RARB: variants seen among roughly 807,000 people sequenced by gnomAD.
The protein encoded by RARB is retinoic acid receptor beta.
In RARB, 17 loss-of-function variants were observed where a neutral mutation model predicts 51.9. The observed-to-expected ratio is 0.33, with a 90% CI of 0.22 to 0.49. RARB has a LOEUF of 0.49. Ranked by LOEUF, RARB falls within the 20% of genes least tolerant of loss-of-function variation. The pLI, the probability that RARB is intolerant of heterozygous loss-of-function variation, is 0.99. For synonymous variants in RARB, 215 were observed against 195.4 expected (o/e 1.10, Z -0.84); for missense variants, 369 against 550.8 (o/e 0.67, Z 3.30).
chr3:25,424,138 G>C (rs150910842), upstream of RARB, among the ~76,000 whole-genome samples: 1 of 152,124 alleles, frequency 6.6e-6, no homozygotes, highest in African/African-American at 2.4e-5. Context: ...TGAAGGACAC[G>C]GTGGCCAACA....
intron 5 of RARB, among the ~76,000 whole-genome samples, chr3:25,365,586 C>T (rs536474829): frequency 6.6e-6 from 1 of 152,248 alleles, no homozygotes; most frequent in East Asian, 1.9e-4. Flanking sequence ...CTTATCTCTG[C>T]TCCACAATAC....
At chr3:25,391,350 A>T (rs1559382370) in intron 5 of RARB, among the ~76,000 whole-genome samples, 1 of 152,166 alleles carries the variant, frequency 6.6e-6, no homozygotes, top group Non-Finnish European at 1.5e-5. Flanking sequence ...GTGTTGCTGT[A>T]AACATGCATG....
intron 5 of RARB, among the ~76,000 whole-genome samples, chr3:25,311,533 A>G (rs1312432004): frequency 6.6e-6 from 1 of 152,240 alleles, no homozygotes. Flanking sequence ...TAGCTATACC[A>G]TTAAATATGT....
chr3:25,141,574 CA>C (rs1253433611), intron 4 of RARB, among the ~76,000 whole-genome samples: 1 of 152,146 alleles, frequency 6.6e-6, no homozygotes, highest in Non-Finnish European at 1.5e-5. Context: ...TTCAAATCTA[CA>C]GAAAATGAAA....
At chr3:24,934,815 T>A (rs1335118462) in intron 2 of RARB, among the ~76,000 whole-genome samples, 1 of 152,122 alleles carries the variant, frequency 6.6e-6, no homozygotes, top group Non-Finnish European at 1.5e-5. Flanking sequence ...AGTGAGCTAT[T>A]ATAAAGCATA....
intron 2 of RARB, among the ~76,000 whole-genome samples, chr3:24,941,354 C>G (rs1695662291): frequency 6.6e-6 from 1 of 151,318 alleles, no homozygotes; most frequent in Admixed American, 6.6e-5. Context: ...AAATGTGAGA[C>G]AATCAGAATA....
chr3:25,100,118 T>C (rs553131075), intron 3 of RARB, among the ~76,000 whole-genome samples: 3 of 152,324 alleles, frequency 2.0e-5, no homozygotes, highest in African/African-American at 7.2e-5. Context: ...GGATTGATTG[T>C]CATATCCCTC....
At chr3:25,190,770 G>A (rs1038365387) in intron 5 of RARB, among the ~76,000 whole-genome samples, 1 of 152,038 alleles carries the variant, frequency 6.6e-6, no homozygotes, top group Non-Finnish European at 1.5e-5. Flanking sequence ...TATGTCGCGT[G>A]CTGCTTAGAA....
chr3:25,588,806 G>C lies in RARB; in HGVS notation c.787-4697G>C, dbSNP rs374697606. ...CTCTGTGGACCTGTCCGTGGGGCTGGTTAACTGTCCTCTTGAAATGTCAGC... is the reference window on the plus strand; with the variant it reads ...CTCTGTGGACCTGTCCGTGGGGCTGCTTAACTGTCCTCTTGAAATGTCAGC... On this transcript the variant is annotated intron_variant, in intron 5 of 7. Transcript: ENST00000330688. 9.2e-5 allele frequency among the ~76,000 whole-genome samples: 14 copies of C among 152,296 alleles called. No homozygotes were observed. The East Asian group carries it at 2.5e-3, about 27-fold the overall frequency.
At chr3:25,095,492 A>AC (rs1401959050) in intron 3 of RARB, among the ~76,000 whole-genome samples, 2 of 152,024 alleles carry the variant, frequency 1.3e-5, no homozygotes, top group Non-Finnish European at 2.9e-5. Context: ...ATGCAAGCCA[A>AC]CCCCCTTGGC....
At chr3:25,154,676 C>T (rs1700346024) in intron 4 of RARB, among the ~76,000 whole-genome samples, 1 of 152,206 alleles carries the variant, frequency 6.6e-6, no homozygotes, top group Non-Finnish European at 1.5e-5. Flanking sequence ...GGTCTTCCAT[C>T]CAGATCCTTC....
chr3:25,019,027 A>G (rs1030375682), intron 2 of RARB, among the ~76,000 whole-genome samples: 3 of 152,202 alleles, frequency 2.0e-5, no homozygotes, highest in East Asian at 1.9e-4. Flanking sequence ...AGCCATGAAT[A>G]AAAAGAAAAG....
chr3:25,232,235 T>C (rs1054456602), intron 5 of RARB, among the ~76,000 whole-genome samples: 24 of 152,172 alleles, frequency 1.6e-4, no homozygotes, highest in African/African-American at 5.3e-4. Context: ...TTTATTGTTA[T>C]AGCTTATGAG....
chr3:25,238,056 T>C (rs1289085820), intron 5 of RARB, among the ~76,000 whole-genome samples: 4 of 152,176 alleles, frequency 2.6e-5, no homozygotes, highest in African/African-American at 9.7e-5. Flanking sequence ...ATACAACACA[T>C]TGCTGTTACC....
intron 2 of RARB, among the ~76,000 whole-genome samples, chr3:25,005,274 A>C (rs1202265435): frequency 6.6e-6 from 1 of 152,140 alleles, no homozygotes; most frequent in Non-Finnish European, 1.5e-5. Context: ...AAGAAATTAC[A>C]CCAATACGTA....
intron 5 of RARB, among the ~76,000 whole-genome samples, chr3:25,179,372 T>C (rs1700818470): frequency 6.6e-6 from 1 of 152,216 alleles, no homozygotes; most frequent in Non-Finnish European, 1.5e-5. Context: ...TTTTACTCCA[T>C]AGTCTTGTCT....
rs527943771 is a variant in RARB, at chr3:25,156,268, T to A, written c.-279-17851T>A. 5.3e-5 allele frequency among the ~76,000 whole-genome samples: 8 copies of A among 152,300 alleles called. 1 individual carries two copies. Among genetic ancestry groups the A allele is most frequent in the African/African-American group, 1.9e-4 (8 of 41,566 alleles). ...CTGGGGACAAGGTAGCTTTGTGATC[T>A]TCTTTGTTTCTGTAAGAATGCCTCT... On this transcript the variant is annotated intron_variant, in intron 4 of 11. Transcript: ENST00000383772.
intron 5 of RARB, among the ~76,000 whole-genome samples, chr3:25,372,447 G>T (rs1206571233): frequency 6.6e-6 from 1 of 152,172 alleles, no homozygotes; most frequent in Non-Finnish European, 1.5e-5. Flanking sequence ...TTTTGCAGGA[G>T]ACATAATAGT....
At chr3:25,055,709 A>G (rs764788468) in intron 2 of RARB, among the ~76,000 whole-genome samples, 12 of 152,122 alleles carry the variant, frequency 7.9e-5, no homozygotes, top group Non-Finnish European at 1.3e-4. Flanking sequence ...GCGTAGTTAC[A>G]TAGAGAGTAA....
Sources: gnomAD v4.1 joint callset for allele counts (sites outside exome capture counted in the v4.1 genomes callset) on GRCh38, gnomAD v4.1.1 for gene constraint, MANE v1.5 for transcripts, NCBI Gene and HGNC (gene_info 2026-07-23, HGNC 2026-07-21) for gene names.